Variants in CPNE7 observed in about 807,000 individuals in gnomAD.
The protein encoded by CPNE7 is copine 7.
CPNE7 carries 78 observed loss-of-function variants against 66.5 expected under a neutral mutation model. The ratio of observed to expected loss-of-function variants is 1.17; its 90% CI spans 0.98 to 1.42. The LOEUF (loss-of-function observed/expected upper bound fraction) is 1.42. Ranked by LOEUF, CPNE7 falls within the 40% of genes most tolerant of loss-of-function variation. The pLI, the probability that CPNE7 is intolerant of heterozygous loss-of-function variation, is 0.00. For synonymous variants in CPNE7, 468 were observed against 336.7 expected, an observed-to-expected ratio of 1.39 and a Z score of -4.27; for missense variants, 1,012 against 776.6, an observed-to-expected ratio of 1.30 and a Z score of -3.60.
chr16:89,592,472 G>C (rs764743706), intron 13 of CPNE7, among the ~76,000 whole-genome samples: 1 of 144,094 alleles, frequency 6.9e-6, no homozygotes, highest in Non-Finnish European at 1.5e-5. Context: ...TTTTGAGATA[G>C]AGTCCTGCTC....
intron 1 of CPNE7, among the ~76,000 whole-genome samples, chr16:89,576,399 G>A (rs1452120048): frequency 1.3e-5 from 2 of 152,066 alleles, no homozygotes; most frequent in Non-Finnish European, 1.5e-5. Flanking sequence ...GCGCGGGCAG[G>A]GGGCTCGACC....
chr16:89,596,571 A>T lies in CPNE7; in HGVS notation c.1627A>T (p.Arg543Ter), dbSNP rs769761883. ...CTACAGCCACAGAGGCCTGCCCCCG[A>T]GAAGCCTGGGTGTCCCTGCCGGAGA... The part of the protein sequence containing the change: ...EYYSHRGLPP[R>*]SLGVPAGEAS... Residue 543 changes from arginine to a stop codon, truncating the protein, a stop_gained, in exon 15 of 15, where the codon AGA becomes TGA. Transcript: ENST00000319518. LOFTEE classifies it low-confidence loss of function (END_TRUNC). The T allele has an allele frequency of 2.5e-5, 41 of 1,608,730 alleles. No individual in the cohort carries two copies. The African/African-American group carries it at 4.1e-4, about 16-fold the overall frequency.
chr16:89,589,258 C>T (rs889322304), intron 10 of CPNE7, among the ~76,000 whole-genome samples: 1 of 152,196 alleles, frequency 6.6e-6, no homozygotes, highest in Non-Finnish European at 1.5e-5. Context: ...CACCTTTGTA[C>T]TCAAGCCTGG....
rs1181027566 is a variant in CPNE7, at chr16:89,591,005, A to C, written c.1117-2A>C. 6.2e-7 allele frequency: 1 copy of C among 1,613,572 alleles called. No individual in the cohort carries two copies. Among genetic ancestry groups the C allele is most frequent in the Non-Finnish European group, 8.5e-7 (1 of 1,179,846 alleles). On this transcript the variant is annotated splice_acceptor_variant, in intron 11 of 14. Coordinates refer to ENST00000319518, the MANE Select transcript of CPNE7 (RefSeq NM_153636.3). LOFTEE classifies it high-confidence loss of function. Reference sequence around the variant, plus strand: ...TGACTGAGCCCTCTTGTTCCCACCCAGGTGTCCCATGACTTTGCCATCAAT... The same window carrying C: ...TGACTGAGCCCTCTTGTTCCCACCCCGGTGTCCCATGACTTTGCCATCAAT...
At position 89,593,317 on chromosome 16, in the gene CPNE7, G is replaced by A. The variant is rs1270229017; in HGVS notation, c.1303-2050G>A. Among the ~76,000 whole-genome samples, 5 of 151,420 alleles carry A rather than the reference G, an allele frequency of 3.3e-5. No individual in the cohort carries two copies. In the South Asian group the frequency reaches 8.3e-4, roughly 25 times the overall value. On this transcript the variant is annotated intron_variant, in intron 13 of 14. Transcript: ENST00000319518. ...CACTGCACACACACATTTGTGAACC[G>A]TCCGAGAGCACGTTGCAACATCACG...
chr16:89,591,628 T>A (rs114217585), intron 13 of CPNE7, among the ~76,000 whole-genome samples: 1,924 of 152,288 alleles, frequency 0.013, 41 homozygotes, highest in African/African-American at 0.044. Flanking sequence ...AGAACTGCAC[T>A]GGATTCTACT....
At chr16:89,587,011 CG>C (rs764868566) in intron 8 of CPNE7, 31 bp from the exon 9 acceptor site, 2 of 1,564,098 alleles carry the variant, frequency 1.3e-6, no homozygotes, top group South Asian at 1.2e-5. Flanking sequence ...GTGTCCCTGG[CG>C]GGGGTGGACG....
At chr16:89,595,910 A>T (rs1415435243) in intron 14 of CPNE7, 1 of 563,722 alleles carries the variant, frequency 1.8e-6, no homozygotes, top group Admixed American at 2.2e-5. Flanking sequence ...CCGGCGAGAC[A>T]CGCACAGCAC....
chr16:89,596,684 A>G lies in CPNE7; in HGVS notation c.*63A>G, dbSNP rs748586664. 6.8e-7 allele frequency: 1 copy of G among 1,469,412 alleles called. No individual in the cohort carries two copies. The highest frequency in any genetic ancestry group is 1.4e-5 in the South Asian group (1 of 72,772). 91.0% of individuals were successfully genotyped at this position (1,469,412 alleles called of 1,614,324 possible). A position where few individuals can be genotyped will look rare whatever the true frequency, so the allele number is the denominator to read the frequency against. ...GGTCCGTACAGCCTCTGTCTGCAAC[A>G]TGCTTGGGGTCCCTTAAGCTCCCTC... On this transcript the variant is annotated 3_prime_UTR_variant, in exon 15 of 15. Transcript: ENST00000319518.
intron 2 of CPNE7, among the ~76,000 whole-genome samples, chr16:89,578,328 G>A (rs1414006518): frequency 6.6e-6 from 1 of 151,978 alleles, no homozygotes; most frequent in Non-Finnish European, 1.5e-5. Context: ...CTCCCAAAGT[G>A]CTGGGATTAC....
At chr16:89,595,125 C>T (rs1431155404) in intron 13 of CPNE7, among the ~76,000 whole-genome samples, 4 of 152,126 alleles carry the variant, frequency 2.6e-5, no homozygotes, top group Non-Finnish European at 5.9e-5. Flanking sequence ...CTCCACAGCC[C>T]TCCGTGAGAC....
intron 10 of CPNE7, among the ~76,000 whole-genome samples, chr16:89,589,683 G>T (rs897215134): frequency 1.3e-5 from 2 of 152,164 alleles, no homozygotes; most frequent in African/African-American, 4.8e-5. Context: ...TGGGAGGCAG[G>T]CTCGCGGGCG....
chr16:89,592,810 C>CTTT lies in CPNE7; in HGVS notation c.1302+1567_1302+1569dup, dbSNP rs57297283. Reference sequence around the variant, plus strand: ...ACCATTGTAACCATTTTTTTCTTTTCTTTTTTTTTTTTTTTTTTTGAGATG... The same window carrying CTTT: ...ACCATTGTAACCATTTTTTTCTTTTCTTTTTTTTTTTTTTTTTTTTTTGAGATG... On this transcript the variant is annotated intron_variant, in intron 13 of 14. Coordinates refer to ENST00000319518, the MANE Select transcript of CPNE7 (RefSeq NM_153636.3). Among the ~76,000 whole-genome samples the CTTT allele has an allele frequency of 9.2e-3, 977 of 106,336 alleles. 24 individuals carry two copies. The highest frequency in any genetic ancestry group is 0.014 in the African/African-American group (356 of 25,488). The allele number at this position is 106,336 out of a possible 152,430, so 69.8% of individuals were successfully genotyped here.
rs755081681 is a variant in CPNE7, at chr16:89,586,651, C to T, written c.781-19C>T. The T allele has an allele frequency of 1.9e-6, 3 of 1,607,870 alleles. No individual in the cohort carries two copies. Among genetic ancestry groups the T allele is most frequent in the African/African-American group, 1.3e-5 (1 of 74,588 alleles). On this transcript the variant is annotated intron_variant, in intron 7 of 14. Coordinates refer to ENST00000319518, the MANE Select transcript of CPNE7 (RefSeq NM_153636.3). Reference sequence around the variant, plus strand: ...TCAGAGCCACCACTCTGGGGGGCCTCTGCTTGTTCCTGCCCCAGGCCCAGT... The same window carrying T: ...TCAGAGCCACCACTCTGGGGGGCCTTTGCTTGTTCCTGCCCCAGGCCCAGT...
At position 89,596,730 on chromosome 16, in the gene CPNE7, G is replaced by A; in HGVS notation, c.*109G>A. 3.9e-6 allele frequency: 5 copies of A among 1,274,226 alleles called. No individual in the cohort carries two copies. The highest frequency in any genetic ancestry group is 3.0e-5 in the East Asian group (1 of 33,618). The allele number at this position is 1,274,226 out of a possible 1,614,324, so 78.9% of individuals were successfully genotyped here. A position where few individuals can be genotyped will look rare whatever the true frequency, so the allele number is the denominator to read the frequency against. Reference sequence around the variant, plus strand: ...CCCTCCGACCTCCCAGAAGCCTCCAGTCCCCACCAGGCCCCACTCCCAGTC... The same window carrying A: ...CCCTCCGACCTCCCAGAAGCCTCCAATCCCCACCAGGCCCCACTCCCAGTC... On this transcript the variant is annotated 3_prime_UTR_variant, in exon 15 of 15. Coordinates refer to ENST00000319518, the MANE Select transcript of CPNE7 (RefSeq NM_153636.3).
At chr16:89,589,989 C>T (rs778444903) in intron 11 of CPNE7, 38 bp downstream of exon 11, 4 of 1,609,198 alleles carry the variant, frequency 2.5e-6, no homozygotes, top group Non-Finnish European at 2.5e-6. Flanking sequence ...AGAGCTGTGC[C>T]CTTCTCGTGC....
chr16:89,580,670 C>G (rs2058940510), intron 2 of CPNE7, among the ~76,000 whole-genome samples: 2 of 135,302 alleles, frequency 1.5e-5, no homozygotes, highest in African/African-American at 5.6e-5. Flanking sequence ...TGGAACATCC[C>G]ATCACCCATC....
In CPNE7 at chr16:89,584,154, T is replaced by A; in HGVS notation, c.507+52T>A. On this transcript the variant is annotated intron_variant, in intron 4 of 14. Coordinates refer to ENST00000319518, the MANE Select transcript of CPNE7 (RefSeq NM_153636.3). The surrounding 1 kb of genome is among the most constrained non-coding windows in gnomAD (Gnocchi z 6.0). ...GCTCAGGCTGAGGTCCGGGAACCGGTTCGAAAACCCGGTCCCTGCCCAGCG... is the reference window on the plus strand; with the variant it reads ...GCTCAGGCTGAGGTCCGGGAACCGGATCGAAAACCCGGTCCCTGCCCAGCG... 1 of 1,568,778 alleles carries A rather than the reference T, an allele frequency of 6.4e-7. No individual in the cohort carries two copies. Among genetic ancestry groups the A allele is most frequent in the Non-Finnish European group, 8.7e-7 (1 of 1,152,428 alleles).
chr16:89,590,086 C>G, intron 11 of CPNE7, 135 bp downstream of exon 11: 1 of 993,710 alleles, frequency 1.0e-6, no homozygotes, highest in South Asian at 1.5e-5. Flanking sequence ...GGGTGCAAAG[C>G]GGGAACCCCA....
Sources: gnomAD v4.1 joint callset for allele counts (sites outside exome capture counted in the v4.1 genomes callset) on GRCh38, gnomAD v4.1.1 for gene constraint, Gnocchi (gnomAD v3.1) non-coding constraint, MANE v1.5 for transcripts, NCBI Gene and HGNC (gene_info 2026-07-23, HGNC 2026-07-21) for gene names.